TENM2: variants seen among roughly 807,000 people sequenced by gnomAD.
The protein encoded by TENM2 is teneurin transmembrane protein 2.
A neutral mutation model predicts 245.2 loss-of-function variants in TENM2; 52 were observed. That is an observed-to-expected ratio of 0.21 (90% CI 0.17 to 0.27). The LOEUF (loss-of-function observed/expected upper bound fraction) is 0.27, where lower values mean the gene tolerates loss of function less well. Among genes scored for constraint, TENM2 ranks in the 10% least tolerant of loss-of-function variants. TENM2 has a pLI of 1.00. For synonymous variants in TENM2, 1,363 were observed against 1,438.9 expected, an observed-to-expected ratio of 0.95 and a Z score of 1.19; for missense variants, 3,046 against 3,666.8, an observed-to-expected ratio of 0.83 and a Z score of 4.37.
At chr5:168,097,977 C>T (rs1562154341) in intron 8 of TENM2, 49 bp from the exon 11 acceptor site, 1 of 1,403,716 alleles carries the variant, frequency 7.1e-7, no homozygotes, top group East Asian at 2.4e-5. Flanking sequence ...TAAATTACTG[C>T]ACCAGTAGAC....
At chr5:167,343,448 A>T (rs1758249224) in intron 1 of TENM2, among the ~76,000 whole-genome samples, 1 of 152,210 alleles carries the variant, frequency 6.6e-6, no homozygotes, top group Admixed American at 6.5e-5. Flanking sequence ...TCTCCCATAC[A>T]GTATGGAGAA....
At chr5:167,274,605 A>G in the TENM2 span, among the ~76,000 whole-genome samples, 1 of 151,024 alleles carries the variant, frequency 6.6e-6, no homozygotes, top group Non-Finnish European at 1.5e-5. Flanking sequence ...TTAAGAAACT[A>G]GCCAACTGCC....
chr5:168,148,904 TAGA>T (rs1562217528), intron 12 of TENM2, among the ~76,000 whole-genome samples: 10 of 136,128 alleles, frequency 7.3e-5, no homozygotes, highest in Admixed American at 1.5e-4. Context: ...GATAGATAGA[TAGA>T]TAGATAGATA....
the TENM2 span, among the ~76,000 whole-genome samples, chr5:167,266,137 C>T: frequency 6.6e-6 from 1 of 152,146 alleles, no homozygotes. Flanking sequence ...TTCGGCGTCT[C>T]TTTATTACAA....
chr5:167,514,778 AG>A (rs1031365625), intron 2 of TENM2, among the ~76,000 whole-genome samples: 1 of 152,128 alleles, frequency 6.6e-6, no homozygotes, highest in Admixed American at 6.5e-5. Context: ...TGGGAGGCTG[AG>A]GGGGGTGGAT....
chr5:166,986,588 A>G, the TENM2 span, among the ~76,000 whole-genome samples: 1 of 152,192 alleles, frequency 6.6e-6, no homozygotes, highest in African/African-American at 2.4e-5. Flanking sequence ...CATCCCATTC[A>G]TACTCCCAAA....
At chr5:167,954,464 T>C (rs1424039217) in intron 4 of TENM2, among the ~76,000 whole-genome samples, 2 of 152,228 alleles carry the variant, frequency 1.3e-5, no homozygotes, top group Admixed American at 6.5e-5. Flanking sequence ...TCGGGTATTA[T>C]GCTTTTTTAA....
chr5:167,438,503 T>A (rs1764698505), intron 2 of TENM2, among the ~76,000 whole-genome samples: 1 of 152,116 alleles, frequency 6.6e-6, no homozygotes, highest in Non-Finnish European at 1.5e-5. Flanking sequence ...GGTATTCTCC[T>A]GCCTCAGCCT....
At chr5:167,482,168 T>G (rs1324763368) in intron 2 of TENM2, among the ~76,000 whole-genome samples, 1 of 152,254 alleles carries the variant, frequency 6.6e-6, no homozygotes, top group East Asian at 1.9e-4. Flanking sequence ...CCTTAATTTT[T>G]ATCACCTGGA....
At chr5:168,161,407 A>C (rs1757728968) in intron 12 of TENM2, among the ~76,000 whole-genome samples, 1 of 152,230 alleles carries the variant, frequency 6.6e-6, no homozygotes, top group Non-Finnish European at 1.5e-5. Context: ...AAATTAAGCA[A>C]GAAAACATAT....
Position 167,746,710 on chromosome 5 carries a change from A to AGAGAGAGAGAGAGAGAGAGAGC in TENM2, c.503-129271_503-129270insAGAGAGAGAGAGAGAGCGAGAG, listed in dbSNP as rs761614775. 3.8e-3 allele frequency among the ~76,000 whole-genome samples: 555 copies of AGAGAGAGAGAGAGAGAGAGAGC among 144,864 alleles called. 9 individuals are homozygous for AGAGAGAGAGAGAGAGAGAGAGC. The highest frequency in any genetic ancestry group is 6.4e-3 in the Non-Finnish European group (423 of 65,994). Reference sequence around the variant, plus strand: ...GAGAGAGAGAGAGAGAGAGAGAGAGAGAGAGCTGGACTCTACACAATTAGT... The same window carrying AGAGAGAGAGAGAGAGAGAGAGC: ...GAGAGAGAGAGAGAGAGAGAGAGAGAGAGAGAGAGAGAGAGAGAGAGCGAGAGCTGGACTCTACACAATTAGT... On this transcript the variant is annotated intron_variant, in intron 2 of 28. Transcript: ENST00000518659.
intron 1 of TENM2, chr5:167,287,404 A>C (rs151230960): frequency 6.6e-6 from 1 of 152,352 alleles, no homozygotes. Context: ...CTAGAGGTAC[A>C]TTAACAAGGA....
chr5:168,244,760 T>A lies in TENM2; in HGVS notation c.5817+44T>A. 1 of 1,372,722 alleles carries A rather than the reference T, an allele frequency of 7.3e-7. No homozygotes were observed. Among genetic ancestry groups the A allele is most frequent in the Non-Finnish European group, 9.5e-7 (1 of 1,051,142 alleles). The allele number at this position is 1,372,722 out of a possible 1,614,324, so 85.0% of individuals were successfully genotyped here. ...CTGACAGCAAGGGCTTTCTGTTATT[T>A]CTGTTATTCCGGCTTCTTTTTTTTT... is the stretch of plus-strand genomic sequence containing the variant. On this transcript the variant is annotated intron_variant, in intron 26 of 28. Transcript: ENST00000518659. The surrounding 1 kb of genome is among the most constrained non-coding windows in gnomAD (Gnocchi z 4.9).
intron 2 of TENM2, among the ~76,000 whole-genome samples, chr5:167,677,824 A>T (rs904506963): frequency 3.3e-5 from 5 of 151,318 alleles, no homozygotes; most frequent in Non-Finnish European, 5.9e-5. Flanking sequence ...GTTTGAATAG[A>T]ATGTGGTTCA....
intron 13 of TENM2, among the ~76,000 whole-genome samples, chr5:168,170,609 TAATC>T (rs1444425356): frequency 2.0e-5 from 3 of 152,080 alleles, no homozygotes; most frequent in Non-Finnish European, 2.9e-5. Context: ...ATAAAAATAA[TAATC>T]AGTAAGATTT....
chr5:167,311,921 A>G (rs1756055603), intron 1 of TENM2, among the ~76,000 whole-genome samples: 1 of 152,222 alleles, frequency 6.6e-6, no homozygotes, highest in South Asian at 2.1e-4. Context: ...TTTAAATTGT[A>G]TGAATGTAGG....
the TENM2 span, among the ~76,000 whole-genome samples, chr5:167,214,320 G>A: frequency 6.6e-6 from 1 of 152,126 alleles, no homozygotes; most frequent in Non-Finnish European, 1.5e-5. Flanking sequence ...TTCTAAGGTG[G>A]TGCTAGCTGC....
At chr5:167,862,933 AC>A (rs1451782056) in intron 2 of TENM2, among the ~76,000 whole-genome samples, 2 of 152,040 alleles carry the variant, frequency 1.3e-5, no homozygotes, top group East Asian at 3.9e-4. Context: ...TGACACTACT[AC>A]CATTTCCAGT....
chr5:167,055,202 G>T, the TENM2 span, among the ~76,000 whole-genome samples: 1 of 152,058 alleles, frequency 6.6e-6, no homozygotes, highest in Non-Finnish European at 1.5e-5. Context: ...GATAACTTTT[G>T]TGAAGGGCAC....
Sources: allele counts gnomAD v4.1 joint callset (sites outside exome capture counted in the v4.1 genomes callset), GRCh38; gene constraint gnomAD v4.1.1; non-coding constraint Gnocchi (gnomAD v3.1); transcripts MANE v1.5; gene names NCBI Gene and HGNC (gene_info 2026-07-23, HGNC 2026-07-21).